The following PM20D1 variants were observed in gnomAD, a reference collection of about 807,000 sequenced individuals.
The protein encoded by PM20D1 is peptidase M20 domain containing 1, also known as N-fatty-acyl-amino acid synthase/hydrolase PM20D1.
PM20D1 carries 53 observed loss-of-function variants against 53.8 expected under a neutral mutation model. The observed-to-expected ratio is 0.98, with a 90% confidence interval of 0.79 to 1.24. The LOEUF (loss-of-function observed/expected upper bound fraction) is 1.24, where lower values mean the gene tolerates loss of function less well. Ranked by LOEUF, PM20D1 falls within the 50% of genes most tolerant of loss-of-function variation. PM20D1 has a pLI of 0.00. For synonymous variants in PM20D1, 239 were observed against 241.3 expected (o/e 0.99, Z 0.09); for missense variants, 564 against 616.8 (o/e 0.91, Z 0.91).
Position 205,845,485 on chromosome 1 carries a change from A to G in PM20D1, c.329T>C (p.Ile110Thr), listed in dbSNP as rs1468593059. 6.2e-7 allele frequency: 1 copy of G among 1,614,236 alleles called. No homozygotes were observed. The part of the protein sequence containing the change: ...VVEEYSHLFT[I>T]QGSDPSLQPY... Reference sequence around the variant, plus strand: ...CTGCAAGCTGGGGTCCGAGCCTTGGATAGTGAACAGGTGGCTATACTCTTC... The same window carrying G: ...CTGCAAGCTGGGGTCCGAGCCTTGGGTAGTGAACAGGTGGCTATACTCTTC... The change falls in exon 3 of 13, where the codon ATC (isoleucine) becomes ACC (threonine). Residue 110 changes from isoleucine (I) to threonine (T), a missense_variant. Ile to Thr is a moderately conservative substitution (Grantham distance 89, BLOSUM62 -1). Transcript: ENST00000367136.
intron 9 of PM20D1, among the ~76,000 whole-genome samples, chr1:205,840,717 G>T (rs1020809101): frequency 6.6e-6 from 1 of 152,192 alleles, no homozygotes; most frequent in African/African-American, 2.4e-5. Flanking sequence ...GCTTACTCAC[G>T]ATGGGGCAGC....
intron 9 of PM20D1, among the ~76,000 whole-genome samples, chr1:205,841,190 C>G (rs1435169345): frequency 2.0e-5 from 3 of 152,156 alleles, no homozygotes; most frequent in Non-Finnish European, 4.4e-5. Context: ...CCAGGACTAA[C>G]TGGAGAAAAG....
intron 1 of PM20D1, among the ~76,000 whole-genome samples, chr1:205,848,979 CTG>C (rs1476772049): frequency 3.3e-5 from 5 of 152,216 alleles, no homozygotes; most frequent in African/African-American, 1.2e-4. Context: ...TCTGTGCAGA[CTG>C]TGAGTGGCTG....
intron 11 of PM20D1, among the ~76,000 whole-genome samples, chr1:205,831,082 GGAAA>G (rs1656548527): frequency 1.3e-5 from 2 of 152,156 alleles, no homozygotes; most frequent in African/African-American, 4.8e-5. Flanking sequence ...CCTTAGGTCT[GGAAA>G]GTGCCAGGAT....
intron 1 of PM20D1, among the ~76,000 whole-genome samples, chr1:205,849,673 C>G (rs1657081995): frequency 6.6e-6 from 1 of 151,960 alleles, no homozygotes; most frequent in South Asian, 2.1e-4. Context: ...TTGGAGCTTC[C>G]AGGTTAGGCA....
chr1:205,847,999 T>C (rs767255868), intron 1 of PM20D1, 28 bp from the exon 2 acceptor site: 2 of 1,594,608 alleles, frequency 1.3e-6, no homozygotes, highest in Non-Finnish European at 1.7e-6. Flanking sequence ...AGATGAAAGA[T>C]TGAAAATGAA....
chr1:205,849,838 C>T (rs1657088164), intron 1 of PM20D1, 66 bp downstream of exon 1: 1 of 1,523,378 alleles, frequency 6.6e-7, no homozygotes, highest in Non-Finnish European at 8.9e-7. Context: ...CGGGGAGTCA[C>T]GGGTTGACCT....
rs1656916275 is a variant in PM20D1 at position 205,845,006 on chromosome 1, G to A, written c.490-109C>T. ...TTATCAGGGCTGGTGGGATGAGGAT[G>A]TGATAGATTCTCTTGAAAGAGAACA... On this transcript the variant is annotated intron_variant, in intron 3 of 12. Coordinates refer to ENST00000367136, the MANE Select transcript of PM20D1 (RefSeq NM_152491.5). 4.4e-6 allele frequency: 4 copies of A among 905,582 alleles called. No individual in the cohort carries two copies. The Admixed American group carries it at 8.6e-5, about 19-fold the overall frequency. The allele number at this position is 905,582 out of a possible 1,614,324, so 56.1% of individuals were successfully genotyped here.
At chr1:205,846,277 T>C (rs1477925437) in intron 2 of PM20D1, among the ~76,000 whole-genome samples, 1 of 151,822 alleles carries the variant, frequency 6.6e-6, no homozygotes, top group Non-Finnish European at 1.5e-5. Flanking sequence ...TCCCAGCAAC[T>C]TGGAAGGCTG....
chr1:205,836,042 A>C (rs1216212785), intron 10 of PM20D1, among the ~76,000 whole-genome samples: 1 of 151,968 alleles, frequency 6.6e-6, no homozygotes, highest in Admixed American at 6.5e-5. Context: ...TGCCCAGCTA[A>C]TTTTTGTATT....
chr1:205,831,303 G>C (rs191268740), intron 11 of PM20D1, among the ~76,000 whole-genome samples: 115 of 152,296 alleles, frequency 7.6e-4, no homozygotes, highest in Non-Finnish European at 1.4e-3. Flanking sequence ...CAAGTTCCTT[G>C]CTTTGTGGTT....
chr1:205,828,500 G>A lies in PM20D1; in HGVS notation c.*120C>T, dbSNP rs1042248333. 1.5e-4 allele frequency: 205 copies of A among 1,394,460 alleles called. No individual in the cohort carries two copies. Among genetic ancestry groups the A allele is most frequent in the Non-Finnish European group, 1.7e-4 (175 of 1,036,966 alleles). The allele number at this position is 1,394,460 out of a possible 1,614,324, so 86.4% of individuals were successfully genotyped here. On this transcript the variant is annotated 3_prime_UTR_variant, in exon 13 of 13. Transcript: ENST00000367136. ...CTTGGGAGAGTTTAAGAGTGAGCAA[G>A]ACAGATGGGCAATGTTTTACAATGT...
chr1:205,833,102 T>G (rs1421319607), intron 10 of PM20D1, among the ~76,000 whole-genome samples: 2 of 152,240 alleles, frequency 1.3e-5, no homozygotes, highest in Non-Finnish European at 2.9e-5. Context: ...GCTGGAAAAT[T>G]GACTACTGGG....
Position 205,850,017 on chromosome 1 carries a change from A to G in PM20D1, c.56T>C (p.Phe19Ser). The G allele has an allele frequency of 6.2e-7, 1 of 1,614,036 alleles. No individual in the cohort carries two copies. The change falls in exon 1 of 13, where the codon TTC becomes TCC. Residue 19 changes from phenylalanine to serine, a missense_variant. By Grantham distance (155) the Phe-to-Ser change is radical. Coordinates refer to ENST00000367136, the MANE Select transcript of PM20D1 (RefSeq NM_152491.5). ...GCCCATCGATCTGGAGACGGTAGGGAAAACTAGGAGCAGCATAGCCACCAG... is the reference window on the plus strand; with the variant it reads ...GCCCATCGATCTGGAGACGGTAGGGGAAACTAGGAGCAGCATAGCCACCAG... ...LALVAMLLLVFPTVSRSMGPR... is the reference protein window; with the variant it reads ...LALVAMLLLVSPTVSRSMGPR...
chr1:205,842,002 G>A (rs770225300), intron 8 of PM20D1, 113 bp from the exon 9 acceptor site: 331 of 1,205,168 alleles, frequency 2.7e-4, no homozygotes, highest in Non-Finnish European at 1.0e-4. Flanking sequence ...TGAGAGAGAC[G>A]TCTTAGAGAT....
chr1:205,828,806 A>G (rs1246185181), intron 12 of PM20D1, 63 bp from the exon 13 acceptor site: 136 of 1,593,226 alleles, frequency 8.5e-5, no homozygotes, highest in Non-Finnish European at 6.0e-6. Flanking sequence ...CACAAGTGTT[A>G]TCACAGAGCA....
At chr1:205,846,596 T>C (rs1194602056) in intron 2 of PM20D1, among the ~76,000 whole-genome samples, 1 of 152,198 alleles carries the variant, frequency 6.6e-6, no homozygotes, top group African/African-American at 2.4e-5. Context: ...AAATATTATA[T>C]TAAAAAGTTC....
chr1:205,833,314 C>T (rs756771917), intron 10 of PM20D1, among the ~76,000 whole-genome samples: 5 of 152,238 alleles, frequency 3.3e-5, no homozygotes, highest in Non-Finnish European at 7.4e-5. Flanking sequence ...ATGAAAGTGT[C>T]GAAGACACAG....
intron 8 of PM20D1, 60 bp downstream of exon 8, chr1:205,842,094 G>C: frequency 6.6e-7 from 1 of 1,516,386 alleles, no homozygotes; most frequent in South Asian, 1.1e-5. Context: ...AAGGAGAGGG[G>C]CCTGGGGGGT....
Sources: allele counts gnomAD v4.1 joint callset (sites outside exome capture counted in the v4.1 genomes callset), GRCh38; gene constraint gnomAD v4.1.1; transcripts MANE v1.5; gene names NCBI Gene and HGNC (gene_info 2026-07-23, HGNC 2026-07-21).